The following CHD1L variants were observed in gnomAD, a reference collection of about 807,000 sequenced individuals.
CHD1L encodes ATP-dependent chromatin remodeler CHD1L.
A neutral mutation model predicts 115.9 loss-of-function variants in CHD1L; 118 were observed. That is an observed-to-expected ratio of 1.02 (90% CI 0.88 to 1.19). CHD1L has a LOEUF of 1.19. Ranked by LOEUF, CHD1L falls within the 50% of genes most tolerant of loss-of-function variation. The pLI, the probability that CHD1L is intolerant of heterozygous loss-of-function variation, is 0.00. For missense variants in CHD1L, 1,179 were observed against 1,065.3 expected (o/e 1.11, Z -1.49); for synonymous variants, 411 against 387.1 (o/e 1.06, Z -0.72).
the CHD1L span, among the ~76,000 whole-genome samples, chr1:147,236,965 C>T: frequency 6.6e-6 from 1 of 152,230 alleles, no homozygotes. Context: ...ACCCAGGAGA[C>T]TGCCTCCTGC....
chr1:147,268,279 G>A (rs1674754532), intron 9 of CHD1L, among the ~76,000 whole-genome samples: 1 of 151,994 alleles, frequency 6.6e-6, no homozygotes, highest in Non-Finnish European at 1.5e-5. Context: ...GGTAACCCTT[G>A]GAGCAAGCAC....
chr1:147,227,804 A>C, the CHD1L span, among the ~76,000 whole-genome samples: 1 of 152,210 alleles, frequency 6.6e-6, no homozygotes, highest in Non-Finnish European at 1.5e-5. Flanking sequence ...ACCCAGAAAG[A>C]GCTTTCAAAC....
In CHD1L at chr1:147,276,151, T is replaced by G; in HGVS notation, c.1433T>G (p.Ile478Arg). ...ATTGGTCGAGACACTGTGGAAGAAATAGTCTATAGGAAAGCAGCCTCCAAA... is the reference window on the plus strand; with the variant it reads ...ATTGGTCGAGACACTGTGGAAGAAAGAGTCTATAGGAAAGCAGCCTCCAAA... ...RLIGRDTVEE[I>R]VYRKAASKLQ... Residue 478 changes from isoleucine (I) to arginine (R), a missense_variant, in exon 14 of 23, where the codon ATA (isoleucine) becomes AGA (arginine). Ile to Arg is a moderately conservative substitution (Grantham distance 97). Coordinates refer to ENST00000369258, the MANE Select transcript of CHD1L (RefSeq NM_004284.6). The G allele has an allele frequency of 1.2e-6, 2 of 1,614,118 alleles. No individual in the cohort carries two copies. The highest frequency in any genetic ancestry group is 2.2e-5 in the South Asian group (2 of 91,082).
intron 1 of CHD1L, among the ~76,000 whole-genome samples, chr1:147,247,400 T>C (rs1666964115): frequency 6.6e-6 from 1 of 152,096 alleles, no homozygotes; most frequent in African/African-American, 2.4e-5. Context: ...GACTGACTTC[T>C]TACTTACTAG....
chr1:147,280,351 G>T (rs1429793155), intron 15 of CHD1L, among the ~76,000 whole-genome samples, 160 bp downstream of exon 15: 1 of 152,110 alleles, frequency 6.6e-6, no homozygotes, highest in Non-Finnish European at 1.5e-5. Flanking sequence ...ATAAAAGAAC[G>T]TTACCCAAAC....
chr1:147,264,357 A>T, intron 6 of CHD1L, 65 bp from the exon 7 acceptor site: 2 of 1,388,306 alleles, frequency 1.4e-6, no homozygotes, highest in East Asian at 2.5e-5. Context: ...AAAGGTTGTG[A>T]TGGGTAACTC....
At chr1:147,266,881 T>A (rs994316656) in intron 8 of CHD1L, among the ~76,000 whole-genome samples, 1 of 152,218 alleles carries the variant, frequency 6.6e-6, no homozygotes, top group African/African-American at 2.4e-5. Flanking sequence ...GACGTTAATA[T>A]TTTACTGTGC....
chr1:147,183,147 G>A, the CHD1L span, among the ~76,000 whole-genome samples: 2 of 152,122 alleles, frequency 1.3e-5, no homozygotes, highest in Non-Finnish European at 2.9e-5. Context: ...GCAGTGAGCC[G>A]AGATGGCGTC....
At chr1:147,279,816 C>T (rs587603969) in intron 14 of CHD1L, among the ~76,000 whole-genome samples, 2 of 152,256 alleles carry the variant, frequency 1.3e-5, no homozygotes, top group South Asian at 2.1e-4. Context: ...GTCAATACCT[C>T]TGATAATCAT....
intron 10 of CHD1L, among the ~76,000 whole-genome samples, chr1:147,269,356 G>T (rs1283486020): frequency 6.6e-6 from 1 of 152,056 alleles, no homozygotes; most frequent in Non-Finnish European, 1.5e-5. Flanking sequence ...CTTTCTCAGG[G>T]ACATGAGTTG....
rs1553964649 is a variant in CHD1L, at chr1:147,285,334, C to G, written c.1865C>G (p.Pro622Arg). Residue 622 changes from proline (P) to arginine (R), a missense_variant, in exon 17 of 23, where the codon CCA becomes CGA. Transcript: ENST00000369258. The stretch of plus-strand genomic sequence containing the variant: ...TTGTTCTTCCTCTAGGTTCTCATCC[C>G]AGGCCTTGTGGAGGGATCTACCAAA... ...SLRNKGSVLI[P>R]GLVEGSTKRK... The G allele has an allele frequency of 1.7e-5, 27 of 1,612,090 alleles. No homozygotes were observed. The highest frequency in any genetic ancestry group is 2.3e-5 in the Non-Finnish European group (27 of 1,179,430).
rs781900246 is a variant in CHD1L at position 147,276,241 on chromosome 1, C to T, written c.1523C>T (p.Ala508Val). The change falls in exon 14 of 23, where the codon GCC (alanine) becomes GTC (valine). Residue 508 changes from alanine to valine, a missense_variant. Physicochemically the swap from Ala to Val is moderately conservative, Grantham distance 64 (BLOSUM62 0). Transcript: ENST00000369258. ...HFTLGAQKPA[A>V]DADLQLSEIL... ...ACTCTGGGAGCCCAGAAACCCGCTG[C>T]CGATGCTGACCTCCAGGTATGATAT... The T allele has an allele frequency of 3.7e-6, 6 of 1,614,166 alleles. No individual in the cohort carries two copies. In the Admixed American group the frequency reaches 6.7e-5, roughly 18 times the overall value.
intron 1 of CHD1L, among the ~76,000 whole-genome samples, chr1:147,246,156 A>C (rs1666552182): frequency 6.6e-6 from 1 of 152,236 alleles, no homozygotes; most frequent in African/African-American, 2.4e-5. Context: ...TACAATATGT[A>C]GCCTTTGGGG....
chr1:147,211,532 A>G, the CHD1L span: 1 of 152,220 alleles, frequency 6.6e-6, no homozygotes, highest in Non-Finnish European at 1.5e-5. Flanking sequence ...GAATTGTAGC[A>G]CTAAGCTTCT....
At chr1:147,188,746 T>G in the CHD1L span, among the ~76,000 whole-genome samples, 1 of 150,004 alleles carries the variant, frequency 6.7e-6, no homozygotes, top group Admixed American at 6.6e-5. Flanking sequence ...TAAATAAATA[T>G]TTACTATTTC....
the CHD1L span, among the ~76,000 whole-genome samples, chr1:147,222,488 TGG>T: frequency 1.3e-5 from 2 of 152,140 alleles, no homozygotes; most frequent in Non-Finnish European, 2.9e-5. Flanking sequence ...GAGGACAGTT[TGG>T]GGCTTCTGTT....
At chr1:147,287,073 T>G (rs587694495) in intron 18 of CHD1L, among the ~76,000 whole-genome samples, 2 of 152,374 alleles carry the variant, frequency 1.3e-5, no homozygotes, top group East Asian at 3.9e-4. Context: ...ACTGTTGCTT[T>G]GCATTAAAAA....
At chr1:147,292,961 T>A (rs1559913566) in intron 20 of CHD1L, among the ~76,000 whole-genome samples, 1 of 151,822 alleles carries the variant, frequency 6.6e-6, no homozygotes, top group Non-Finnish European at 1.5e-5. Flanking sequence ...TTCTGTTGAG[T>A]CATTCCTTCA....
chr1:147,202,143 T>A, the CHD1L span, among the ~76,000 whole-genome samples: 3 of 152,118 alleles, frequency 2.0e-5, no homozygotes, highest in Admixed American at 6.5e-5. Context: ...TTGTTTTCAG[T>A]GAATTATCTT....
Sources: gnomAD v4.1 joint callset for allele counts (sites outside exome capture counted in the v4.1 genomes callset) on GRCh38, gnomAD v4.1.1 for gene constraint, MANE v1.5 for transcripts, NCBI Gene and HGNC (gene_info 2026-07-23, HGNC 2026-07-21) for gene names.